Variants in SECISBP2L observed in about 807,000 individuals in gnomAD.
SECISBP2L encodes the protein selenocysteine insertion sequence-binding protein 2-like.
In SECISBP2L, 43 loss-of-function variants were observed where a neutral mutation model predicts 114.7. The observed-to-expected ratio is 0.38, with a 90% confidence interval of 0.29 to 0.48. The LOEUF (loss-of-function observed/expected upper bound fraction) is 0.48, where lower values mean the gene tolerates loss of function less well. Ranked by LOEUF, SECISBP2L falls within the 20% of genes least tolerant of loss-of-function variation. The pLI, the probability that SECISBP2L is intolerant of heterozygous loss-of-function variation, is 0.98. For missense variants in SECISBP2L, 1,136 were observed against 1,301.1 expected (o/e 0.87, Z 1.95); for synonymous variants, 451 against 439.7 (o/e 1.03, Z -0.32).
At chr15:49,018,318 A>G (rs2141073179) in intron 8 of SECISBP2L, among the ~76,000 whole-genome samples, 1 of 149,880 alleles carries the variant, frequency 6.7e-6, no homozygotes, top group East Asian at 2.0e-4. Flanking sequence ...GTGCAATGGC[A>G]CAATCTCGGC....
In SECISBP2L at chr15:48,991,290, G is replaced by A. The variant is rs904985299; in HGVS notation, c.*954C>T. On this transcript the variant is annotated 3_prime_UTR_variant, in exon 18 of 18. Transcript: ENST00000559471. ...GCAAAATAGGTATTTTTTAAAAGGT[G>A]AAACAGTTTTGCACTCAGGACAAGT... 2.0e-5 allele frequency: 3 copies of A among 152,310 alleles called. No individual in the cohort carries two copies. The highest frequency in any genetic ancestry group is 4.4e-5 in the Non-Finnish European group (3 of 68,026). 9.4% of individuals were successfully genotyped at this position (152,310 alleles called of 1,614,324 possible).
Position 48,992,345 on chromosome 15 carries a change from T to A in SECISBP2L, c.3205A>T (p.Thr1069Ser), listed in dbSNP as rs1396483567. Residue 1069 changes from threonine to serine, a missense_variant, in exon 18 of 18, where the codon ACT becomes TCT. Physicochemically the swap from Thr to Ser is moderately conservative, Grantham distance 58 (BLOSUM62 1). Around this residue, in one of 2 missense-constraint regions of SECISBP2L, gnomAD observed 684 missense variants for 848.7 expected, o/e 0.81. Transcript: ENST00000559471. ...LEPGMDSEAWTADQQASPGQQ... is the reference protein window; with the variant it reads ...LEPGMDSEAWSADQQASPGQQ... ...CCAGGACTGGCCTGCTGGTCAGCAG[T>A]CCATGCCTCACTGTCCATCCCTGGC... The A allele has an allele frequency of 8.7e-6, 14 of 1,614,120 alleles. No homozygotes were observed. In the East Asian group the frequency reaches 3.1e-4, roughly 36 times the overall value.
chr15:49,016,362 G>T, intron 11 of SECISBP2L, 198 bp downstream of exon 11: 1 of 458,476 alleles, frequency 2.2e-6, no homozygotes. Flanking sequence ...ACTAGGTGTG[G>T]AAAGGAGCAT....
intron 14 of SECISBP2L, among the ~76,000 whole-genome samples, chr15:49,003,415 T>G (rs1008268579): frequency 3.3e-5 from 5 of 152,212 alleles, no homozygotes; most frequent in Non-Finnish European, 7.3e-5. Flanking sequence ...CTCTTTCTAT[T>G]TGAATACCCT....
chr15:49,028,649 G>A lies in SECISBP2L; in HGVS notation c.698C>T (p.Ser233Leu), dbSNP rs538658887. 5 of 1,614,126 alleles carry A rather than the reference G, an allele frequency of 3.1e-6. No homozygotes were observed. In the African/African-American group the frequency reaches 5.3e-5, roughly 17 times the overall value. The change falls in exon 5 of 18, where the codon TCA (serine) becomes TTA (leucine). Residue 233 changes from serine (S) to leucine (L), a missense_variant. Ser to Leu is a moderately radical substitution (Grantham distance 145). Coordinates refer to ENST00000559471, the MANE Select transcript of SECISBP2L (RefSeq NM_001193489.2). ...FPSDIANKSL[S>L]ETTATMLWKS... ...CCAGAGCATTGTTGCAGTGGTCTCT[G>A]AGAGAGACTTGTTAGCGATATCTGA...
chr15:49,046,212 C>T, intron 1 of SECISBP2L, 64 bp downstream of exon 1: 4 of 1,548,562 alleles, frequency 2.6e-6, no homozygotes, highest in Admixed American at 1.9e-5. Flanking sequence ...AGAACTGGGC[C>T]TGGCCTGTGA....
rs1206860059 is a variant in SECISBP2L at position 49,027,402 on chromosome 15, C to T, written c.998G>A (p.Arg333Lys). 1 of 1,611,082 alleles carries T rather than the reference C, an allele frequency of 6.2e-7. No homozygotes were observed. The highest frequency in any genetic ancestry group is 8.5e-7 in the Non-Finnish European group (1 of 1,178,082). The change falls in exon 7 of 18, where the codon AGA becomes AAA. Residue 333 changes from arginine to lysine, a missense_variant. Physicochemically the swap from Arg to Lys is conservative, Grantham distance 26. This residue lies in a region of SECISBP2L where 452 missense variants were observed against 452.3 expected (regional missense o/e 1.00). Transcript: ENST00000559471. Reference sequence around the variant, plus strand: ...TCTTTGTTCAGTTTGCCTTCCACCTCTAGAAAATGTCTGATTTTTTTCCAT... The same window carrying T: ...TCTTTGTTCAGTTTGCCTTCCACCTTTAGAAAATGTCTGATTTTTTTCCAT... ...PWMEKNQTFSRGGRQTEQRNN... is the reference protein window; with the variant it reads ...PWMEKNQTFSKGGRQTEQRNN...
At chr15:49,027,298 G>C in intron 7 of SECISBP2L, 67 bp downstream of exon 7, 1 of 1,161,834 alleles carries the variant, frequency 8.6e-7, no homozygotes, top group Admixed American at 1.7e-5. Flanking sequence ...CTACACCACT[G>C]TAACTAACAA....
At chr15:48,997,494 G>C (rs1340649566) in intron 16 of SECISBP2L, among the ~76,000 whole-genome samples, 1 of 152,208 alleles carries the variant, frequency 6.6e-6, no homozygotes, top group Non-Finnish European at 1.5e-5. Flanking sequence ...TAAAAAACCA[G>C]ATGTTCTTTC....
At chr15:49,033,282 A>G (rs1902936156) in intron 3 of SECISBP2L, among the ~76,000 whole-genome samples, 182 bp from the exon 4 acceptor site, 1 of 152,210 alleles carries the variant, frequency 6.6e-6, no homozygotes, top group African/African-American at 2.4e-5. Context: ...AAAGCATACG[A>G]GGCTAAACAA....
At chr15:49,006,630 A>G (rs1052173743) in intron 14 of SECISBP2L, among the ~76,000 whole-genome samples, 2 of 152,050 alleles carry the variant, frequency 1.3e-5, no homozygotes, top group African/African-American at 4.8e-5. Context: ...TAAACTGGTT[A>G]TTCTAGTTAG....
At chr15:49,010,623 A>G (rs1211029007) in intron 13 of SECISBP2L, among the ~76,000 whole-genome samples, 1 of 151,880 alleles carries the variant, frequency 6.6e-6, no homozygotes, top group Non-Finnish European at 1.5e-5. Flanking sequence ...CAATCCTCCC[A>G]CTTCAGTCCC....
rs71120653 is a variant in SECISBP2L at position 48,993,100 on chromosome 15, AGTGTGT to A, written c.2624-180_2624-175del. On this transcript the variant is annotated intron_variant, in intron 17 of 17. Coordinates refer to ENST00000559471, the MANE Select transcript of SECISBP2L (RefSeq NM_001193489.2). The stretch of plus-strand genomic sequence containing the variant: ...TAGTACTAGTTTGAGACAGAGAGAG[AGTGTGT>A]GTGTGTGTGTGTGTGTGTGTGTGTG... Among the ~76,000 whole-genome samples, 1,321 of 139,182 alleles carry A rather than the reference AGTGTGT, an allele frequency of 9.5e-3. 47 individuals carry two copies. Among genetic ancestry groups the A allele is most frequent in the East Asian group, 0.094 (446 of 4,756 alleles). 91.3% of individuals were successfully genotyped at this position (139,182 alleles called of 152,430 possible). A position where few individuals can be genotyped will look rare whatever the true frequency, so the allele number is the denominator to read the frequency against.
chr15:49,001,152 A>G, intron 14 of SECISBP2L, 55 bp from the exon 15 acceptor site: 1 of 1,084,704 alleles, frequency 9.2e-7, no homozygotes, highest in Non-Finnish European at 1.3e-6. Flanking sequence ...CCCTATAGTT[A>G]TAAAACTGCA....
rs1303351944 is a variant in SECISBP2L at position 49,033,086 on chromosome 15, T to C, written c.543A>G (p.Gln181=). Residue 181 remains glutamine (Q), a synonymous_variant, in exon 4 of 18, where the codon CAA becomes CAG. Coordinates refer to ENST00000559471, the MANE Select transcript of SECISBP2L (RefSeq NM_001193489.2). ...GSVVPKQQLL[Q]QHIKSKRPLV... Reference sequence around the variant, plus strand: ...GCGGCCTTTTGCTTTTTATGTGCTGTTGTAAAAGCTGTTGCTGATTTAAAA... The same window carrying C: ...GCGGCCTTTTGCTTTTTATGTGCTGCTGTAAAAGCTGTTGCTGATTTAAAA... The C allele has an allele frequency of 6.2e-7, 1 of 1,612,688 alleles. No homozygotes were observed. The highest frequency in any genetic ancestry group is 8.5e-7 in the Non-Finnish European group (1 of 1,179,678).
At chr15:49,011,106 A>G (rs952987115) in intron 13 of SECISBP2L, among the ~76,000 whole-genome samples, 1 of 152,226 alleles carries the variant, frequency 6.6e-6, no homozygotes, top group Non-Finnish European at 1.5e-5. Context: ...TGCTTAATCT[A>G]TGTGTAAACC....
Position 49,035,624 on chromosome 15 carries a change from G to GCCATCGTAT in SECISBP2L, c.229_237dup (p.Ile77_Trp79dup). ...CCAGTAGGGTTTGGATTGGGTTGTTGCCATCGTATATCATTGTTATATAAA... is the reference window on the plus strand; with the variant it reads ...CCAGTAGGGTTTGGATTGGGTTGTTGCCATCGTATCCATCGTATATCATTGTTATATAAA... On this transcript the variant is annotated inframe_insertion, in exon 3 of 18. Transcript: ENST00000559471. 6.2e-7 allele frequency: 1 copy of GCCATCGTAT among 1,613,606 alleles called. No individual in the cohort carries two copies. The highest frequency in any genetic ancestry group is 8.5e-7 in the Non-Finnish European group (1 of 1,179,612).
rs566238826 is a variant in SECISBP2L, at chr15:49,013,506, A to G, written c.1562-689T>C. ...GAGACAGGGTTTCACCATGTTGGCC[A>G]GGATGGTCTCGATCTCTTGACCTTG... On this transcript the variant is annotated intron_variant, in intron 11 of 17. Coordinates refer to ENST00000559471, the MANE Select transcript of SECISBP2L (RefSeq NM_001193489.2). Among the ~76,000 whole-genome samples, 4 of 152,318 alleles carry G rather than the reference A, an allele frequency of 2.6e-5. No individual in the cohort carries two copies. The South Asian group carries it at 8.3e-4, about 32-fold the overall frequency.
intron 7 of SECISBP2L, 31 bp downstream of exon 7, chr15:49,027,333 TA>T: frequency 6.7e-7 from 1 of 1,485,996 alleles, no homozygotes. Context: ...ATCTCATACC[TA>T]ATCAATTTTC....
Sources: gnomAD v4.1 joint callset for allele counts (sites outside exome capture counted in the v4.1 genomes callset) on GRCh38, gnomAD v4.1.1 for gene constraint, gnomAD v4.1.1 regional missense constraint, MANE v1.5 for transcripts, NCBI Gene and HGNC (gene_info 2026-07-23, HGNC 2026-07-21) for gene names.